The following CDYL variants were observed in gnomAD, a reference collection of about 807,000 sequenced individuals.
The protein encoded by CDYL is chromodomain Y like.
CDYL carries 8 observed loss-of-function variants against 47.3 expected under a neutral mutation model. The observed-to-expected ratio is 0.17, with a 90% CI of 0.10 to 0.31. CDYL has a LOEUF of 0.31. Ranked by LOEUF, CDYL falls within the 10% of genes least tolerant of loss-of-function variation. The probability of loss-of-function intolerance (pLI) is 1.00; values close to 1 mark genes in which losing one functional copy is unlikely to be tolerated. For synonymous variants in CDYL, 266 were observed against 265.0 expected (o/e 1.00, Z -0.04); for missense variants, 471 against 701.4 (o/e 0.67, Z 3.71).
chr6:4,773,037 A>G (rs1261823631), upstream of CDYL: 2 of 431,312 alleles, frequency 4.6e-6, no homozygotes, highest in East Asian at 7.1e-5. This position sits in a 1 kb window ranked among gnomAD's most constrained non-coding sequence, Gnocchi z 4.6. Context: ...TTTAGTTATC[A>G]TTCTCCCGAG....
chr6:4,947,471 C>T (rs1432094547), intron 5 of CDYL, among the ~76,000 whole-genome samples: 1 of 152,156 alleles, frequency 6.6e-6, no homozygotes, highest in African/African-American at 2.4e-5. Context: ...AAGTCTCAGC[C>T]CTCTCTGCCT....
At chr6:4,770,825 T>C (rs1383904339) in intron 3 of CDYL, among the ~76,000 whole-genome samples, 2 of 152,224 alleles carry the variant, frequency 1.3e-5, no homozygotes, top group African/African-American at 2.4e-5. Context: ...ATATCATTCA[T>C]AGATAATTAA....
intron 1 of CDYL, among the ~76,000 whole-genome samples, chr6:4,873,079 A>G (rs1761519759): frequency 6.6e-6 from 1 of 152,232 alleles, no homozygotes; most frequent in African/African-American, 2.4e-5. Context: ...TTCTGTTTAT[A>G]CAATACACAT....
chr6:4,773,182 A>G, upstream of CDYL: 1 of 457,436 alleles, frequency 2.2e-6, no homozygotes. This position sits in a 1 kb window ranked among gnomAD's most constrained non-coding sequence, Gnocchi z 4.6. Context: ...AGGTCAGGTA[A>G]GAATCGTTTA....
chr6:4,767,517 G>T (rs1472930235), intron 3 of CDYL, among the ~76,000 whole-genome samples: 1 of 151,486 alleles, frequency 6.6e-6, no homozygotes, highest in African/African-American at 2.4e-5. Flanking sequence ...AGGTTGCAGT[G>T]AGCTGAGATT....
At chr6:4,859,492 C>T (rs989515214) in intron 1 of CDYL, among the ~76,000 whole-genome samples, 2 of 152,106 alleles carry the variant, frequency 1.3e-5, no homozygotes, top group African/African-American at 2.4e-5. Context: ...GTCTCCAGAG[C>T]GCTACCACAC....
At chr6:4,731,804 G>C (rs527787115) in intron 2 of CDYL, among the ~76,000 whole-genome samples, 2 of 151,036 alleles carry the variant, frequency 1.3e-5, no homozygotes, top group East Asian at 3.9e-4. Context: ...CTGAGTGACA[G>C]AGAAAGACTC....
chr6:4,806,735 A>G (rs1759381717), intron 1 of CDYL, among the ~76,000 whole-genome samples: 1 of 152,164 alleles, frequency 6.6e-6, no homozygotes, highest in African/African-American at 2.4e-5. Flanking sequence ...ACACTTTCAA[A>G]GAGTGCCTTT....
intron 2 of CDYL, among the ~76,000 whole-genome samples, chr6:4,923,144 C>T (rs1262505054): frequency 6.6e-6 from 1 of 152,148 alleles, no homozygotes; most frequent in Non-Finnish European, 1.5e-5. Flanking sequence ...AGTCACTCTG[C>T]AGTGCCATAC....
At chr6:4,737,639 G>A (rs981809946) in intron 3 of CDYL, among the ~76,000 whole-genome samples, 6 of 151,116 alleles carry the variant, frequency 4.0e-5, no homozygotes, top group Non-Finnish European at 7.4e-5. Flanking sequence ...AAAAAAAATA[G>A]CCTCAGCCTC....
rs372309339 is a variant in CDYL at position 4,835,787 on chromosome 6, C to T, written c.25-55926C>T. On this transcript the variant is annotated intron_variant, in intron 1 of 6. Coordinates refer to ENST00000397588, the MANE Select transcript of CDYL (RefSeq NM_004824.4). Reference sequence around the variant, plus strand: ...CTAAGCAAGCCTGGGCACTGGCCGGCGTCCCTCTCCCAGCCTCGTTGCCGC... The same window carrying T: ...CTAAGCAAGCCTGGGCACTGGCCGGTGTCCCTCTCCCAGCCTCGTTGCCGC... Among the ~76,000 whole-genome samples, 10 of 152,290 alleles carry T rather than the reference C, an allele frequency of 6.6e-5. 2 individuals are homozygous for T. The highest frequency in any genetic ancestry group is 2.2e-4 in the African/African-American group (9 of 41,580).
chr6:4,784,626 C>G (rs954758682), intron 1 of CDYL, among the ~76,000 whole-genome samples: 6 of 152,172 alleles, frequency 3.9e-5, no homozygotes, highest in African/African-American at 1.4e-4. Context: ...GATATATAGT[C>G]TTGTACCACA....
intron 3 of CDYL, among the ~76,000 whole-genome samples, chr6:4,746,421 C>T (rs1331070209): frequency 6.7e-6 from 1 of 150,356 alleles, no homozygotes; most frequent in Non-Finnish European, 1.5e-5. Context: ...TGAAAGATGA[C>T]TTCAATGAAG....
Position 4,943,684 on chromosome 6 carries a change from C to T in CDYL, c.1260C>T (p.Pro420=). 6.2e-7 allele frequency: 1 copy of T among 1,613,682 alleles called. No homozygotes were observed. The highest frequency in any genetic ancestry group is 8.5e-7 in the Non-Finnish European group (1 of 1,179,984). ...WANEKAWFQT[P]YTTFGQSPDG... ...ATGAAAAGGCTTGGTTTCAAACACCCTATACCACCTTCGGACAGAGTCCAG... is the reference window on the plus strand; with the variant it reads ...ATGAAAAGGCTTGGTTTCAAACACCTTATACCACCTTCGGACAGAGTCCAG... Residue 420 remains proline, a synonymous_variant, in exon 5 of 7, where the codon CCC becomes CCT. Coordinates refer to ENST00000397588, the MANE Select transcript of CDYL (RefSeq NM_004824.4).
intron 5 of CDYL, 197 bp downstream of exon 5, chr6:4,943,953 A>T (rs1758438375): frequency 2.0e-6 from 1 of 495,166 alleles, no homozygotes; most frequent in South Asian, 3.4e-5. Flanking sequence ...TCATTCACTG[A>T]GGAGCCTACC....
chr6:4,904,782 T>C (rs1757176641), intron 2 of CDYL, among the ~76,000 whole-genome samples: 1 of 152,204 alleles, frequency 6.6e-6, no homozygotes, highest in African/African-American at 2.4e-5. Context: ...GGAGAAAAGC[T>C]GTAAACGGCT....
chr6:4,789,430 C>A (rs1758856039), intron 1 of CDYL, among the ~76,000 whole-genome samples: 1 of 152,110 alleles, frequency 6.6e-6, no homozygotes. Flanking sequence ...GCACGGTGGG[C>A]CCTCCGCACC....
intron 3 of CDYL, among the ~76,000 whole-genome samples, chr6:4,749,269 G>A (rs535041921): frequency 1.2e-4 from 18 of 151,702 alleles, no homozygotes; most frequent in South Asian, 2.1e-4. Flanking sequence ...AGTAGTTTTC[G>A]ATAGGGTTTT....
At chr6:4,808,977 A>G (rs1759447980) in intron 1 of CDYL, among the ~76,000 whole-genome samples, 1 of 152,158 alleles carries the variant, frequency 6.6e-6, no homozygotes, top group Non-Finnish European at 1.5e-5. Context: ...TCCAAGCGTG[A>G]GAGCTGTGCA....
Sources: allele counts gnomAD v4.1 joint callset (sites outside exome capture counted in the v4.1 genomes callset), GRCh38; gene constraint gnomAD v4.1.1; non-coding constraint Gnocchi (gnomAD v3.1); transcripts MANE v1.5; gene names NCBI Gene and HGNC (gene_info 2026-07-23, HGNC 2026-07-21).